Variants in GRIK2 observed in about 807,000 individuals in gnomAD.
GRIK2 encodes glutamate receptor ionotropic, kainate 2.
Under a neutral mutation model 100.3 loss-of-function variants are expected in GRIK2, and 32 were observed. The ratio of observed to expected loss-of-function variants is 0.32; its 90% confidence interval spans 0.24 to 0.43. The LOEUF is 0.43. GRIK2 is among the 20% of genes least tolerant of loss of function. GRIK2 has a pLI of 1.00. For synonymous variants in GRIK2, 417 were observed against 389.4 expected, an observed-to-expected ratio of 1.07 and a Z score of -0.83; for missense variants, 843 against 1,114.9, an observed-to-expected ratio of 0.76 and a Z score of 3.47.
chr6:101,555,648 G>T (rs957084731), intron 2 of GRIK2, among the ~76,000 whole-genome samples: 1 of 152,058 alleles, frequency 6.6e-6, no homozygotes, highest in African/African-American at 2.4e-5. Context: ...ACTTAATTCA[G>T]AATTATAATG....
chr6:102,010,927 A>T (rs890320146), intron 14 of GRIK2, among the ~76,000 whole-genome samples: 6 of 151,868 alleles, frequency 4.0e-5, no homozygotes, highest in African/African-American at 1.4e-4. Flanking sequence ...TTATTTATCC[A>T]CCCATCTCAT....
intron 14 of GRIK2, among the ~76,000 whole-genome samples, chr6:101,954,654 GAGAT>G (rs1223248418): frequency 1.3e-5 from 2 of 152,104 alleles, no homozygotes; most frequent in Non-Finnish European, 2.9e-5. Context: ...ACTACAAAGA[GAGAT>G]AGTTTAAGGT....
intron 14 of GRIK2, among the ~76,000 whole-genome samples, chr6:101,941,120 G>A (rs1790926690): frequency 6.6e-6 from 1 of 151,944 alleles, no homozygotes; most frequent in African/African-American, 2.4e-5. Flanking sequence ...TTATGTAGGT[G>A]AAATAAATTA....
intron 12 of GRIK2, among the ~76,000 whole-genome samples, chr6:101,910,987 T>C (rs1185205655): frequency 6.6e-6 from 1 of 151,436 alleles, no homozygotes; most frequent in East Asian, 1.9e-4. Context: ...CATATATGTA[T>C]AGTGGCCCCT....
chr6:101,933,001 C>CGCCGTT (rs1453083233), intron 14 of GRIK2, among the ~76,000 whole-genome samples: 1 of 151,872 alleles, frequency 6.6e-6, no homozygotes, highest in Admixed American at 6.6e-5. Flanking sequence ...AAGCCACACA[C>CGCCGTT]GCCGTTCTTT....
At chr6:101,681,603 A>G (rs1771260914) in intron 5 of GRIK2, among the ~76,000 whole-genome samples, 1 of 152,098 alleles carries the variant, frequency 6.6e-6, no homozygotes. Flanking sequence ...ATACAATTAA[A>G]TTATTATTGA....
intron 14 of GRIK2, among the ~76,000 whole-genome samples, chr6:101,957,992 GT>G (rs1012422288): frequency 6.6e-6 from 1 of 151,896 alleles, no homozygotes; most frequent in African/African-American, 2.4e-5. Context: ...GCTTAGGATT[GT>G]TTTGGCTATT....
chr6:101,425,967 G>T (rs1177876895), intron 2 of GRIK2, among the ~76,000 whole-genome samples: 1 of 152,136 alleles, frequency 6.6e-6, no homozygotes, highest in Non-Finnish European at 1.5e-5. Context: ...TTTCCTTTTT[G>T]TTGTTGTTGA....
intron 14 of GRIK2, among the ~76,000 whole-genome samples, chr6:101,978,902 T>C (rs761784353): frequency 2.0e-5 from 3 of 151,978 alleles, no homozygotes; most frequent in Non-Finnish European, 2.9e-5. Flanking sequence ...TAATACTACT[T>C]AATGGCAGAC....
intron 7 of GRIK2, among the ~76,000 whole-genome samples, chr6:101,716,807 G>A (rs989715855): frequency 6.6e-6 from 1 of 151,706 alleles, no homozygotes; most frequent in African/African-American, 2.4e-5. Flanking sequence ...AAGGTTTAAA[G>A]TAAGCATATT....
intron 2 of GRIK2, among the ~76,000 whole-genome samples, chr6:101,607,588 CAATT>C (rs1779493809): frequency 6.6e-6 from 1 of 151,896 alleles, no homozygotes; most frequent in Non-Finnish European, 1.5e-5. Flanking sequence ...TTCTTGGAAT[CAATT>C]AAGTTAACCT....
intron 2 of GRIK2, among the ~76,000 whole-genome samples, chr6:101,617,911 G>C (rs981704896): frequency 6.6e-6 from 1 of 151,278 alleles, no homozygotes; most frequent in African/African-American, 2.4e-5. Context: ...CTACTTATAG[G>C]ATATAAAGAA....
chr6:101,723,194 G>C (rs1774613373), intron 7 of GRIK2, among the ~76,000 whole-genome samples: 1 of 152,046 alleles, frequency 6.6e-6, no homozygotes, highest in African/African-American at 2.4e-5. Context: ...GGCCAGGGTT[G>C]ATAAAAAGTG....
intron 2 of GRIK2, among the ~76,000 whole-genome samples, chr6:101,606,578 A>G (rs1054833083): frequency 2.0e-5 from 3 of 152,024 alleles, no homozygotes; most frequent in Admixed American, 1.3e-4. Flanking sequence ...CAGTTGGCTA[A>G]TAATAGCAGA....
At chr6:101,489,860 A>G (rs1483077105) in intron 2 of GRIK2, among the ~76,000 whole-genome samples, 1 of 146,916 alleles carries the variant, frequency 6.8e-6, no homozygotes, top group Non-Finnish European at 1.5e-5. Flanking sequence ...TAAAGGTACT[A>G]TATAGATGTA....
At chr6:101,534,663 T>C (rs547497541) in intron 2 of GRIK2, among the ~76,000 whole-genome samples, 7 of 151,944 alleles carry the variant, frequency 4.6e-5, no homozygotes, top group South Asian at 4.1e-4. Flanking sequence ...GTATAATTCC[T>C]TTGAAGCATA....
intron 2 of GRIK2, among the ~76,000 whole-genome samples, chr6:101,459,691 C>T (rs749802536): frequency 4.6e-5 from 7 of 151,834 alleles, no homozygotes; most frequent in Non-Finnish European, 1.0e-4. Context: ...GAATGAGTAC[C>T]GAAATATAAA....
rs111285339 is a variant in GRIK2 at position 101,627,117 on chromosome 6, CTGTGTG to C, written c.541+508_541+513del. On this transcript the variant is annotated intron_variant, in intron 4 of 16. Coordinates refer to ENST00000369134, the MANE Select transcript of GRIK2 (RefSeq NM_021956.5). ...TGTGTGTGTGTGCGTGTGTGTGTCTCTGTGTGTGTGTGTGTGTGTGTGTGTGTGTGT... is the reference window on the plus strand; with the variant it reads ...TGTGTGTGTGTGCGTGTGTGTGTCTCTGTGTGTGTGTGTGTGTGTGTGTGT... Among the ~76,000 whole-genome samples the C allele has an allele frequency of 6.0e-3, 869 of 145,054 alleles. 5 individuals are homozygous for C. The highest frequency in any genetic ancestry group is 9.2e-3 in the Non-Finnish European group (608 of 65,734).
chr6:101,610,178 A>G (rs972659230), intron 2 of GRIK2, among the ~76,000 whole-genome samples: 6 of 151,550 alleles, frequency 4.0e-5, no homozygotes, highest in African/African-American at 1.4e-4. Flanking sequence ...ATATTGCTTA[A>G]AGAAACTGCA....
Sources: gnomAD v4.1 joint callset for allele counts (sites outside exome capture counted in the v4.1 genomes callset) on GRCh38, gnomAD v4.1.1 for gene constraint, MANE v1.5 for transcripts, NCBI Gene and HGNC (gene_info 2026-07-23, HGNC 2026-07-21) for gene names.